THUMPD3: variants seen among roughly 807,000 people sequenced by gnomAD.
The protein encoded by THUMPD3 is tRNA (guanine(6)-N(2))-methyltransferase THUMP3.
THUMPD3 carries 44 observed loss-of-function variants against 54.5 expected under a neutral mutation model. That is an observed-to-expected ratio of 0.81 (90% CI 0.63 to 1.04). The LOEUF is 1.04. Among genes scored for constraint, THUMPD3 ranks in the 50% least tolerant of loss-of-function variants. The pLI, the probability that THUMPD3 is intolerant of heterozygous loss-of-function variation, is 0.00. For synonymous variants in THUMPD3, 196 were observed against 201.4 expected (o/e 0.97, Z 0.23); for missense variants, 604 against 601.3 (o/e 1.00, Z -0.05).
Position 9,384,802 on chromosome 3 carries a change from GCTCTT to G in THUMPD3, c.*116_*120del. On this transcript the variant is annotated 3_prime_UTR_variant, in exon 10 of 10. Transcript: ENST00000452837. ...TCTGCACTCTTTAAACCTGTTTAAG[GCTCTT>G]CATCCTGGTTAGCAAAAGGTGTGAA... is the stretch of plus-strand genomic sequence containing the variant. 1 of 1,239,842 alleles carries G rather than the reference GCTCTT, an allele frequency of 8.1e-7. No individual in the cohort carries two copies. Among genetic ancestry groups the G allele is most frequent in the Non-Finnish European group, 1.1e-6 (1 of 889,682 alleles). The allele number at this position is 1,239,842 out of a possible 1,614,324, so 76.8% of individuals were successfully genotyped here.
intron 6 of THUMPD3, among the ~76,000 whole-genome samples, chr3:9,380,131 C>T (rs2032767824): frequency 6.6e-6 from 1 of 152,132 alleles, no homozygotes; most frequent in Non-Finnish European, 1.5e-5. Flanking sequence ...GAATAAAATA[C>T]TAGACCTGAC....
chr3:9,380,760 A>T (rs937818198), intron 7 of THUMPD3, 142 bp downstream of exon 7: 4 of 470,672 alleles, frequency 8.5e-6, no homozygotes, highest in East Asian at 3.4e-5. Flanking sequence ...TTACATTTTT[A>T]AAGTTTATTG....
intron 6 of THUMPD3, among the ~76,000 whole-genome samples, chr3:9,380,282 G>A (rs1309510833): frequency 6.6e-6 from 1 of 152,102 alleles, no homozygotes; most frequent in East Asian, 1.9e-4. Flanking sequence ...TAAGGTTGAT[G>A]TTGAAAGGGC....
intron 7 of THUMPD3, among the ~76,000 whole-genome samples, chr3:9,382,161 G>A (rs560463606): frequency 1.6e-3 from 244 of 151,844 alleles, no homozygotes; most frequent in African/African-American, 5.5e-3. Context: ...ATTGGTATGC[G>A]GTTATAATAC....
intron 7 of THUMPD3, chr3:9,382,986 CT>C (rs2033038573): frequency 4.7e-6 from 2 of 422,318 alleles, no homozygotes; most frequent in South Asian, 3.2e-5. Flanking sequence ...ACCTCAGCCC[CT>C]GAAAGTGCTG....
chr3:9,375,245 G>T (rs193021262), intron 5 of THUMPD3, among the ~76,000 whole-genome samples: 75 of 152,340 alleles, frequency 4.9e-4, no homozygotes, highest in Non-Finnish European at 8.2e-4. Context: ...TGTGTGTTGG[G>T]AGATAAGAGT....
chr3:9,370,998 A>G, intron 3 of THUMPD3, 62 bp from the exon 4 acceptor site: 1 of 1,348,182 alleles, frequency 7.4e-7, no homozygotes. Context: ...AGCAAAGTAG[A>G]GGTTTATTTG....
chr3:9,377,934 A>C, intron 6 of THUMPD3, 46 bp downstream of exon 6: 6 of 1,498,378 alleles, frequency 4.0e-6, no homozygotes, highest in Non-Finnish European at 5.6e-6. Flanking sequence ...TACATCCAGA[A>C]TATTCTAGAC....
In THUMPD3 at chr3:9,380,515, T is replaced by TG. The variant is rs1181706761; in HGVS notation, c.1023dup (p.Ser342ValfsTer2). 6.2e-7 allele frequency: 1 copy of TG among 1,609,796 alleles called. No individual in the cohort carries two copies. Among genetic ancestry groups the TG allele is most frequent in the African/African-American group, 1.3e-5 (1 of 74,828 alleles). On this transcript the variant is annotated frameshift_variant, in exon 7 of 10. Transcript: ENST00000452837. LOFTEE classifies it high-confidence loss of function. ...TCTTATCTTTTAGGGGGCCACTGAA[T>TG]GGTCTGACTGTTTCCATATTGCTGG...
At chr3:9,378,591 A>C (rs1279748257) in intron 6 of THUMPD3, among the ~76,000 whole-genome samples, 1 of 152,364 alleles carries the variant, frequency 6.6e-6, no homozygotes, top group African/African-American at 2.4e-5. Flanking sequence ...GCCAATTTGA[A>C]TAAACTGCAG....
chr3:9,377,767 G>A, intron 5 of THUMPD3, 52 bp from the exon 6 acceptor site: 2 of 1,426,820 alleles, frequency 1.4e-6, no homozygotes, highest in South Asian at 1.2e-5. Flanking sequence ...CATCAGTATA[G>A]AAGCCTCAGC....
At chr3:9,376,674 T>C (rs1355530493) in intron 5 of THUMPD3, among the ~76,000 whole-genome samples, 1 of 152,142 alleles carries the variant, frequency 6.6e-6, no homozygotes, top group East Asian at 1.9e-4. Flanking sequence ...TTATCATACA[T>C]GCGATAAGTC....
chr3:9,370,434 C>A (rs1248030814), intron 3 of THUMPD3, among the ~76,000 whole-genome samples: 1 of 152,126 alleles, frequency 6.6e-6, no homozygotes, highest in East Asian at 1.9e-4. Context: ...AGTCAGTGTT[C>A]ATTCTCTTTT....
chr3:9,373,219 G>A (rs1346772682), intron 4 of THUMPD3, among the ~76,000 whole-genome samples: 4 of 152,184 alleles, frequency 2.6e-5, no homozygotes, highest in African/African-American at 7.2e-5. Flanking sequence ...GAGGCTGGGT[G>A]TGGTGACACA....
At chr3:9,366,196 T>G (rs1485623236) in intron 2 of THUMPD3, among the ~76,000 whole-genome samples, 1 of 152,206 alleles carries the variant, frequency 6.6e-6, no homozygotes, top group Non-Finnish European at 1.5e-5. Flanking sequence ...CAAAAATTCT[T>G]GCTCAGAAGT....
At chr3:9,369,036 G>A (rs1305290035) in intron 3 of THUMPD3, among the ~76,000 whole-genome samples, 1 of 151,906 alleles carries the variant, frequency 6.6e-6, no homozygotes, top group African/African-American at 2.4e-5. Flanking sequence ...TCTGGGTTGG[G>A]CATGGTGGCT....
chr3:9,376,072 G>T (rs1389048422), intron 5 of THUMPD3, among the ~76,000 whole-genome samples: 5 of 152,186 alleles, frequency 3.3e-5, no homozygotes, highest in Non-Finnish European at 7.3e-5. Context: ...TAACAAATAT[G>T]CATTATCTAC....
intron 3 of THUMPD3, among the ~76,000 whole-genome samples, chr3:9,367,403 C>A (rs994028738): frequency 3.9e-5 from 6 of 152,110 alleles, no homozygotes; most frequent in Non-Finnish European, 5.9e-5. Context: ...TGAAATAAAG[C>A]CAAAATAACA....
intron 7 of THUMPD3, among the ~76,000 whole-genome samples, chr3:9,382,451 CA>C (rs1292493021): frequency 1.3e-5 from 2 of 152,052 alleles, no homozygotes; most frequent in African/African-American, 4.8e-5. Context: ...TAGCATGGCA[CA>C]TATTTTCCTT....
Sources: gnomAD v4.1 joint callset for allele counts (sites outside exome capture counted in the v4.1 genomes callset) on GRCh38, gnomAD v4.1.1 for gene constraint, MANE v1.5 for transcripts, NCBI Gene and HGNC (gene_info 2026-07-23, HGNC 2026-07-21) for gene names.